Variants in THSD7B observed in about 807,000 individuals in gnomAD.
The protein encoded by THSD7B is thrombospondin type-1 domain-containing protein 7B.
A neutral mutation model predicts 213.6 loss-of-function variants in THSD7B; 138 were observed. The ratio of observed to expected loss-of-function variants is 0.65; its 90% CI spans 0.56 to 0.74. The LOEUF (loss-of-function observed/expected upper bound fraction) is 0.74. Ranked by LOEUF, THSD7B falls within the 30% of genes least tolerant of loss-of-function variation. THSD7B has a pLI of 0.00. For synonymous variants in THSD7B, 742 were observed against 687.0 expected (o/e 1.08, Z -1.25); for missense variants, 1,931 against 1,991.5 (o/e 0.97, Z 0.58).
At chr2:137,241,749 A>T (rs1043550585) in intron 9 of THSD7B, among the ~76,000 whole-genome samples, 1 of 152,098 alleles carries the variant, frequency 6.6e-6, no homozygotes, top group African/African-American at 2.4e-5. Context: ...CATCTCTACT[A>T]AAAATACAAA....
At chr2:137,077,448 T>C (rs1687653195) in intron 3 of THSD7B, among the ~76,000 whole-genome samples, 1 of 152,156 alleles carries the variant, frequency 6.6e-6, no homozygotes, top group Admixed American at 6.5e-5. Flanking sequence ...ACCAACAGTG[T>C]AAGAGTGTTC....
chr2:137,625,136 T>G (rs1318075161), intron 20 of THSD7B, among the ~76,000 whole-genome samples: 3 of 152,130 alleles, frequency 2.0e-5, no homozygotes, highest in Non-Finnish European at 4.4e-5. Context: ...CATGGAATAC[T>G]ATGCAGCCAT....
chr2:137,391,401 AG>A (rs1461373076), intron 12 of THSD7B, among the ~76,000 whole-genome samples: 2 of 152,250 alleles, frequency 1.3e-5, no homozygotes, highest in African/African-American at 4.8e-5. Context: ...ATCTTTTTAA[AG>A]AACAGGCCAG....
chr2:137,649,512 C>A (rs573013174), intron 21 of THSD7B, among the ~76,000 whole-genome samples: 16 of 152,062 alleles, frequency 1.1e-4, no homozygotes, highest in Non-Finnish European at 1.5e-4. Context: ...CCAGTTTTCC[C>A]GGTAATATTT....
chr2:137,437,234 C>G (rs936751539), intron 14 of THSD7B, among the ~76,000 whole-genome samples: 9 of 152,098 alleles, frequency 5.9e-5, no homozygotes, highest in African/African-American at 9.7e-5. Context: ...GCCTTGGCAG[C>G]CCAAGCTCTG....
At chr2:137,085,850 A>G (rs1349022176) in intron 3 of THSD7B, among the ~76,000 whole-genome samples, 1 of 152,220 alleles carries the variant, frequency 6.6e-6, no homozygotes, top group African/African-American at 2.4e-5. Flanking sequence ...AAATCAAGAA[A>G]TTTAAAAACT....
At chr2:137,063,403 G>A (rs1322824858) in intron 3 of THSD7B, among the ~76,000 whole-genome samples, 1 of 151,346 alleles carries the variant, frequency 6.6e-6, no homozygotes, top group African/African-American at 2.4e-5. Context: ...GCTGTTGTAG[G>A]TGCATAGTAG....
intron 15 of THSD7B, among the ~76,000 whole-genome samples, chr2:137,458,561 AC>A (rs1271124685): frequency 6.6e-6 from 1 of 152,130 alleles, no homozygotes; most frequent in Non-Finnish European, 1.5e-5. Context: ...TAGTTTTGGC[AC>A]CCATCAAGCG....
Position 137,052,440 on chromosome 2 carries a change from T to C in THSD7B, c.140-3980T>C, listed in dbSNP as rs553840787. On this transcript the variant is annotated intron_variant, in intron 2 of 27. Transcript: ENST00000409968. ...TAAATTTTGTTTTATTTTTATTACT[T>C]GGTGTCTGTTTTTTTCACTAGGCAT... Among the ~76,000 whole-genome samples the C allele has an allele frequency of 1.8e-4, 27 of 152,258 alleles. No homozygotes were observed. The South Asian group carries it at 5.4e-3, about 30-fold the overall frequency.
intron 2 of THSD7B, among the ~76,000 whole-genome samples, chr2:137,008,767 TA>T (rs1445919868): frequency 6.6e-6 from 1 of 152,222 alleles, no homozygotes; most frequent in African/African-American, 2.4e-5. Context: ...ATCACTTGCT[TA>T]TGAAGGAGAT....
At chr2:137,215,217 C>A (rs1159579072) in intron 7 of THSD7B, among the ~76,000 whole-genome samples, 1 of 152,160 alleles carries the variant, frequency 6.6e-6, no homozygotes, top group Non-Finnish European at 1.5e-5. Context: ...TTGTTGGCTG[C>A]ACAAATGTTT....
intron 2 of THSD7B, among the ~76,000 whole-genome samples, chr2:136,925,982 A>G (rs926783862): frequency 1.1e-4 from 17 of 152,220 alleles, no homozygotes; most frequent in African/African-American, 4.1e-4. Flanking sequence ...CAACTGTATA[A>G]TAATATAGAA....
At chr2:137,315,032 C>T (rs1684050215) in intron 12 of THSD7B, among the ~76,000 whole-genome samples, 2 of 152,204 alleles carry the variant, frequency 1.3e-5, no homozygotes, top group Admixed American at 1.3e-4. Context: ...TGTTGGGCTC[C>T]ACCCAGTTCG....
chr2:137,594,111 T>C (rs1426905173), intron 17 of THSD7B, among the ~76,000 whole-genome samples: 1 of 151,996 alleles, frequency 6.6e-6, no homozygotes, highest in Non-Finnish European at 1.5e-5. Flanking sequence ...GCAAGGGTGC[T>C]ATTTCAAATG....
chr2:137,085,118 G>A (rs1687814896), intron 3 of THSD7B, among the ~76,000 whole-genome samples: 1 of 152,162 alleles, frequency 6.6e-6, no homozygotes, highest in African/African-American at 2.4e-5. Context: ...CAAGAGATAG[G>A]GGATTCCTAT....
chr2:136,898,636 G>C (rs1175444798), intron 2 of THSD7B, among the ~76,000 whole-genome samples: 1 of 126,780 alleles, frequency 7.9e-6, no homozygotes, highest in Non-Finnish European at 1.6e-5. Context: ...ATAACAGTGG[G>C]GAACTGAGAC....
intron 2 of THSD7B, among the ~76,000 whole-genome samples, chr2:136,968,428 T>C (rs1685354098): frequency 6.6e-6 from 1 of 152,150 alleles, no homozygotes; most frequent in Non-Finnish European, 1.5e-5. Context: ...TGAATGTCTA[T>C]TTAAGTCTTT....
At chr2:136,851,950 T>TA (rs1558826090) in intron 1 of THSD7B, among the ~76,000 whole-genome samples, 1 of 151,404 alleles carries the variant, frequency 6.6e-6, no homozygotes, top group African/African-American at 2.4e-5. Flanking sequence ...TATATATATA[T>TA]TTGTAGTAAC....
At chr2:136,918,277 A>G (rs958344385) in intron 2 of THSD7B, among the ~76,000 whole-genome samples, 1 of 152,150 alleles carries the variant, frequency 6.6e-6, no homozygotes, top group Non-Finnish European at 1.5e-5. Context: ...TCGTTATATT[A>G]TCTCCCATCA....
Sources: gnomAD v4.1 joint callset for allele counts (sites outside exome capture counted in the v4.1 genomes callset) on GRCh38, gnomAD v4.1.1 for gene constraint, MANE v1.5 for transcripts, NCBI Gene and HGNC (gene_info 2026-07-23, HGNC 2026-07-21) for gene names.